MACROD2: variants seen among roughly 807,000 people sequenced by gnomAD.
MACROD2 encodes mono-ADP ribosylhydrolase 2.
MACROD2 carries 36 observed loss-of-function variants against 70.4 expected under a neutral mutation model. The ratio of observed to expected loss-of-function variants is 0.51; its 90% CI spans 0.39 to 0.68. MACROD2 has a LOEUF of 0.68. MACROD2 is among the 30% of genes least tolerant of loss of function. The pLI is 0.00. For synonymous variants in MACROD2, 172 were observed against 178.8 expected (o/e 0.96, Z 0.30); for missense variants, 496 against 538.4 (o/e 0.92, Z 0.78).
chr20:15,851,145 G>A (rs186211039), intron 8 of MACROD2, among the ~76,000 whole-genome samples: 6 of 152,114 alleles, frequency 3.9e-5, no homozygotes, highest in Non-Finnish European at 8.8e-5. Context: ...GAGGGGAATT[G>A]CAAGTAGGAA....
intron 8 of MACROD2, among the ~76,000 whole-genome samples, chr20:15,817,104 C>A (rs773380551): frequency 6.6e-6 from 1 of 152,154 alleles, no homozygotes. Flanking sequence ...TGTTATAGAA[C>A]TTTTATTGGT....
intron 8 of MACROD2, among the ~76,000 whole-genome samples, chr20:15,576,583 A>G (rs1151924): frequency 0.77 from 114,772 of 149,784 alleles, 46,663 homozygotes; most frequent in Non-Finnish European, 0.92. Context: ...AGGTTGAGTC[A>G]CTTATGCTGC....
At chr20:15,445,895 G>T (rs1385217509) in intron 7 of MACROD2, among the ~76,000 whole-genome samples, 3 of 152,126 alleles carry the variant, frequency 2.0e-5, no homozygotes, top group Admixed American at 2.0e-4. Context: ...AAGGGGAGAG[G>T]TCTGGGAATC....
At chr20:15,224,875 G>T (rs1003493867) in intron 5 of MACROD2, among the ~76,000 whole-genome samples, 1 of 151,348 alleles carries the variant, frequency 6.6e-6, no homozygotes, top group Non-Finnish European at 1.5e-5. Context: ...CAGGAGAATT[G>T]CTTGAATCCA....
chr20:14,697,796 C>T lies in MACROD2; in HGVS notation c.418+12837C>T, dbSNP rs73262812. Among the ~76,000 whole-genome samples the T allele has an allele frequency of 7.5e-3, 1,143 of 152,206 alleles. 16 individuals are homozygous for T. The highest frequency in any genetic ancestry group is 0.025 in the African/African-American group (1,046 of 41,546). On this transcript the variant is annotated intron_variant, in intron 5 of 17. Transcript: ENST00000684519. The stretch of plus-strand genomic sequence containing the variant: ...GTATGTTTGGGAACAGTGGAGCTTT[C>T]GGTAGAGTCACAATGACAGCAGTTT...
intron 4 of MACROD2, among the ~76,000 whole-genome samples, chr20:14,672,630 G>T (rs1396001593): frequency 6.6e-6 from 1 of 152,136 alleles, no homozygotes; most frequent in Non-Finnish European, 1.5e-5. Flanking sequence ...CACTGTACAT[G>T]TTATCTCATT....
intron 4 of MACROD2, among the ~76,000 whole-genome samples, chr20:14,682,341 A>G (rs2070942575): frequency 1.3e-5 from 2 of 151,898 alleles, no homozygotes; most frequent in Admixed American, 1.3e-4. Flanking sequence ...TTATACAGTA[A>G]TCTCACCCTC....
chr20:14,040,421 T>C (rs2053376194), intron 2 of MACROD2, among the ~76,000 whole-genome samples: 1 of 152,210 alleles, frequency 6.6e-6, no homozygotes, highest in African/African-American at 2.4e-5. Flanking sequence ...AAAAATTATA[T>C]TTCAATAAGT....
At chr20:14,519,895 C>T (rs984729791) in intron 4 of MACROD2, among the ~76,000 whole-genome samples, 10 of 152,006 alleles carry the variant, frequency 6.6e-5, no homozygotes, top group Admixed American at 3.3e-4. Flanking sequence ...ATAAAAGGAA[C>T]GAGATCGTAT....
At chr20:15,846,216 ATCC>A (rs1426866125) in intron 8 of MACROD2, among the ~76,000 whole-genome samples, 1 of 152,234 alleles carries the variant, frequency 6.6e-6, no homozygotes, top group East Asian at 1.9e-4. Flanking sequence ...TTCTCAGGCT[ATCC>A]TCCATGAACT....
intron 8 of MACROD2, among the ~76,000 whole-genome samples, chr20:15,761,127 C>T (rs911441633): frequency 6.6e-6 from 1 of 152,206 alleles, no homozygotes; most frequent in East Asian, 1.9e-4. Flanking sequence ...CTCACTGCAA[C>T]CTCTGCCTCC....
chr20:15,305,285 CACCTATTGAACATATTT>C (rs753470511), intron 6 of MACROD2, among the ~76,000 whole-genome samples: 20 of 152,032 alleles, frequency 1.3e-4, no homozygotes, highest in Admixed American at 2.6e-4. Context: ...TGAAACAGCG[CACCTATTGAACATATTT>C]ACATTGTTTC....
intron 5 of MACROD2, among the ~76,000 whole-genome samples, chr20:15,170,340 T>A (rs1942691242): frequency 6.6e-6 from 1 of 152,288 alleles, no homozygotes; most frequent in African/African-American, 2.4e-5. Context: ...AAGTAGAGAT[T>A]AAAGCATAGC....
At chr20:14,685,003 T>G in intron 5 of MACROD2, 44 bp downstream of exon 5, 1 of 1,456,010 alleles carries the variant, frequency 6.9e-7, no homozygotes, top group South Asian at 1.1e-5. Flanking sequence ...TGAGACATCT[T>G]AACTTGTTTT....
At chr20:15,931,088 C>G (rs1037385887) in intron 10 of MACROD2, among the ~76,000 whole-genome samples, 16 of 152,114 alleles carry the variant, frequency 1.1e-4, no homozygotes, top group Admixed American at 2.0e-4. Flanking sequence ...CAGATTTTTC[C>G]TGCTTGACTC....
intron 10 of MACROD2, among the ~76,000 whole-genome samples, chr20:15,887,181 G>C (rs538729404): frequency 3.9e-5 from 6 of 152,228 alleles, no homozygotes; most frequent in African/African-American, 1.4e-4. Context: ...CCTTCTCTAT[G>C]TTAAGTTATA....
intron 8 of MACROD2, among the ~76,000 whole-genome samples, chr20:15,802,340 C>T (rs551649827): frequency 6.6e-6 from 1 of 152,068 alleles, no homozygotes; most frequent in African/African-American, 2.4e-5. Flanking sequence ...TCATATATAG[C>T]TTTTATTATG....
chr20:15,445,993 G>A (rs2046560823), intron 7 of MACROD2, among the ~76,000 whole-genome samples: 1 of 152,166 alleles, frequency 6.6e-6, no homozygotes, highest in African/African-American at 2.4e-5. Flanking sequence ...GATGGGAACA[G>A]CATTAATATA....
chr20:14,247,157 TATAA>T lies in MACROD2; in HGVS notation c.271+161436_271+161439del, dbSNP rs1344760665. On this transcript the variant is annotated intron_variant, in intron 3 of 17. Coordinates refer to ENST00000684519, the MANE Select transcript of MACROD2 (RefSeq NM_001351661.2). ...TTTTAGAAATAAGTGTATATAAATA[TATAA>T]ATAAATTATTAACAATAGAGAAGCA... Among the ~76,000 whole-genome samples the T allele has an allele frequency of 7.9e-5, 12 of 152,254 alleles. No homozygotes were observed. In the East Asian group the frequency reaches 1.9e-3, roughly 24 times the overall value.
Sources: allele counts gnomAD v4.1 joint callset (sites outside exome capture counted in the v4.1 genomes callset), GRCh38; gene constraint gnomAD v4.1.1; transcripts MANE v1.5; gene names NCBI Gene and HGNC (gene_info 2026-07-23, HGNC 2026-07-21).